Variants in SPOP observed in about 807,000 individuals in gnomAD.
SPOP encodes the protein speckle-type POZ protein.
Under a neutral mutation model 45.6 loss-of-function variants are expected in SPOP, and 11 were observed. That is an observed-to-expected ratio of 0.24 (90% CI 0.15 to 0.40). The LOEUF (loss-of-function observed/expected upper bound fraction) is 0.40. Among genes scored for constraint, SPOP ranks in the 10% least tolerant of loss-of-function variants. SPOP has a pLI of 1.00. For missense variants in SPOP, 152 were observed against 465.6 expected (o/e 0.33, Z 6.20); for synonymous variants, 166 against 166.3 (o/e 1.00, Z 0.01).
At chr17:49,622,124 G>T in intron 2 of SPOP, 57 bp from the exon 3 acceptor site, 1 of 1,591,262 alleles carries the variant, frequency 6.3e-7, no homozygotes, top group South Asian at 1.1e-5. Context: ...TGAAAAAACA[G>T]GATGAAGGGC....
chr17:49,659,192 G>GA (rs1289927263), intron 1 of SPOP, among the ~76,000 whole-genome samples: 1 of 152,140 alleles, frequency 6.6e-6, no homozygotes, highest in Non-Finnish European at 1.5e-5. Flanking sequence ...CTCCCATGGT[G>GA]AATCAATTTT....
intron 1 of SPOP, among the ~76,000 whole-genome samples, chr17:49,655,934 C>T (rs1812084443): frequency 6.6e-6 from 1 of 152,132 alleles, no homozygotes; most frequent in South Asian, 2.1e-4. Flanking sequence ...CCTCAGCCTC[C>T]TGAGTAGCTA....
chr17:49,642,912 G>A (rs920131236), intron 1 of SPOP, among the ~76,000 whole-genome samples: 3 of 152,170 alleles, frequency 2.0e-5, no homozygotes, highest in South Asian at 2.1e-4. Context: ...GATGGAATAC[G>A]TCATCTATGT....
intron 8 of SPOP, among the ~76,000 whole-genome samples, chr17:49,604,913 G>A (rs2071808752): frequency 6.6e-6 from 1 of 152,210 alleles, no homozygotes; most frequent in South Asian, 2.1e-4. Flanking sequence ...CTAAATTGGA[G>A]AAATGCTGTC....
chr17:49,633,911 G>A (rs540016622), intron 1 of SPOP, among the ~76,000 whole-genome samples: 18 of 151,846 alleles, frequency 1.2e-4, no homozygotes, highest in Admixed American at 3.9e-4. Flanking sequence ...AATAATGGCC[G>A]CAACAAGCAC....
At chr17:49,604,448 C>T (rs911329773) in intron 8 of SPOP, among the ~76,000 whole-genome samples, 1 of 152,196 alleles carries the variant, frequency 6.6e-6, no homozygotes, top group Non-Finnish European at 1.5e-5. Flanking sequence ...AAAGATAAAA[C>T]CTCCACTATA....
At chr17:49,613,989 G>C (rs2072029871) in intron 5 of SPOP, among the ~76,000 whole-genome samples, 1 of 152,124 alleles carries the variant, frequency 6.6e-6, no homozygotes, top group African/African-American at 2.4e-5. Context: ...AATGTCTCAG[G>C]AAGGCTGTAT....
chr17:49,608,325 CA>C (rs1269870256), intron 6 of SPOP, among the ~76,000 whole-genome samples: 1 of 152,160 alleles, frequency 6.6e-6, no homozygotes, highest in African/African-American at 2.4e-5. Context: ...ATACTTTCTG[CA>C]CCTCCAGGGA....
At position 49,600,417 on chromosome 17, in the gene SPOP, A is replaced by G. The variant is rs769319131; in HGVS notation, c.1086T>C (p.Pro362=). 4 of 1,614,150 alleles carry G rather than the reference A, an allele frequency of 2.5e-6. No individual in the cohort carries two copies. The East Asian group carries it at 8.9e-5, about 36-fold the overall frequency. ...GGCGTTTGCGTGGGGGTCCCAGAAAAGGGCACTGTGCTGAAGCCAGAGAGC... is the reference window on the plus strand; with the variant it reads ...GGCGTTTGCGTGGGGGTCCCAGAAAGGGGCACTGTGCTGAAGCCAGAGAGC... The part of the protein sequence containing the change: ...AYRSLASAQC[P]FLGPPRKRLK... The change falls in exon 10 of 10, where the codon CCT becomes CCC. Residue 362 remains proline (P), a synonymous_variant. Coordinates refer to ENST00000504102, the MANE Select transcript of SPOP (RefSeq NM_001007228.2). This position sits in a 1 kb window ranked among gnomAD's most constrained non-coding sequence, Gnocchi z 4.2.
At chr17:49,622,395 G>T (rs2072237843) in intron 2 of SPOP, 1 of 519,192 alleles carries the variant, frequency 1.9e-6, no homozygotes, top group Non-Finnish European at 3.5e-6. Context: ...ATGGGTCTCT[G>T]TTATTAAAAT....
At chr17:49,615,642 T>A (rs2072070280) in intron 5 of SPOP, among the ~76,000 whole-genome samples, 1 of 151,778 alleles carries the variant, frequency 6.6e-6, no homozygotes, top group Non-Finnish European at 1.5e-5. Context: ...GCCTCAGGAG[T>A]AGCTGGGAAC....
intron 1 of SPOP, among the ~76,000 whole-genome samples, chr17:49,671,455 G>C (rs564595094): frequency 4.1e-4 from 62 of 152,116 alleles, no homozygotes; most frequent in South Asian, 1.7e-3. Flanking sequence ...AAGTGAGCTA[G>C]GAACTTCTTG....
intron 1 of SPOP, among the ~76,000 whole-genome samples, chr17:49,649,645 C>T (rs550027648): frequency 2.6e-5 from 4 of 151,060 alleles, no homozygotes; most frequent in Non-Finnish European, 5.9e-5. Context: ...CTGACTCACA[C>T]AGTGAAACCC....
chr17:49,654,128 T>C (rs988701877), intron 1 of SPOP, among the ~76,000 whole-genome samples: 2 of 152,246 alleles, frequency 1.3e-5, no homozygotes, highest in Non-Finnish European at 2.9e-5. Context: ...TAGTTCTTTG[T>C]CTTTGTCACT....
chr17:49,632,584 C>G (rs929094423), intron 1 of SPOP, among the ~76,000 whole-genome samples: 1 of 152,022 alleles, frequency 6.6e-6, no homozygotes, highest in Non-Finnish European at 1.5e-5. Flanking sequence ...CCTCCACCTC[C>G]CGGGTTCAAG....
At position 49,599,946 on chromosome 17, in the gene SPOP, A is replaced by C. The variant is rs1383237120; in HGVS notation, c.*432T>G. On this transcript the variant is annotated 3_prime_UTR_variant, in exon 10 of 10. Transcript: ENST00000504102. ...GGAATCCACAAACTGATTTTTGAGAAATTCTGCAAAAATCTTTTCTTCTTT... is the reference window on the plus strand; with the variant it reads ...GGAATCCACAAACTGATTTTTGAGACATTCTGCAAAAATCTTTTCTTCTTT... 4.3e-6 allele frequency: 1 copy of C among 231,064 alleles called. No homozygotes were observed. The highest frequency in any genetic ancestry group is 6.3e-5 in the East Asian group (1 of 15,836). The allele number at this position is 231,064 out of a possible 1,614,324, so 14.3% of individuals were successfully genotyped here.
chr17:49,623,843 T>A (rs2072269037), intron 1 of SPOP, among the ~76,000 whole-genome samples: 1 of 152,156 alleles, frequency 6.6e-6, no homozygotes, highest in African/African-American at 2.4e-5. Flanking sequence ...CATCATTTAA[T>A]CCTCAATCAT....
chr17:49,615,512 ATTTT>A (rs933497914), intron 5 of SPOP, among the ~76,000 whole-genome samples: 14 of 151,942 alleles, frequency 9.2e-5, no homozygotes, highest in African/African-American at 2.9e-4. Context: ...TTATTTATTT[ATTTT>A]TTAACAGACA....
chr17:49,648,948 G>C (rs999243384), intron 1 of SPOP, among the ~76,000 whole-genome samples: 1 of 151,960 alleles, frequency 6.6e-6, no homozygotes, highest in Non-Finnish European at 1.5e-5. Context: ...TAGTAGAGAC[G>C]GGGTTTCACC....
Sources: allele counts gnomAD v4.1 joint callset (sites outside exome capture counted in the v4.1 genomes callset), GRCh38; gene constraint gnomAD v4.1.1; non-coding constraint Gnocchi (gnomAD v3.1); transcripts MANE v1.5; gene names NCBI Gene and HGNC (gene_info 2026-07-23, HGNC 2026-07-21).